The following MTMR14 variants were observed in gnomAD, a reference collection of about 807,000 sequenced individuals.
The protein encoded by MTMR14 is myotubularin related protein 14.
MTMR14 carries 48 observed loss-of-function variants against 86.3 expected under a neutral mutation model. That is an observed-to-expected ratio of 0.56 (90% CI 0.44 to 0.71). The LOEUF (loss-of-function observed/expected upper bound fraction) is 0.71, where lower values mean the gene tolerates loss of function less well. Among genes scored for constraint, MTMR14 ranks in the 30% least tolerant of loss-of-function variants. The pLI is 0.00. For synonymous variants in MTMR14, 366 were observed against 326.1 expected (o/e 1.12, Z -1.32); for missense variants, 780 against 834.6 (o/e 0.93, Z 0.81).
chr3:9,664,683 A>G lies in MTMR14; in HGVS notation c.417+2308A>G, dbSNP rs536029854. On this transcript the variant is annotated intron_variant, in intron 3 of 18. Transcript: ENST00000296003. ...AACTTCACATGTTCTCACTTATTTG[A>G]AAGCTAAAAAAATTAAAACAATTGA... 2.0e-5 allele frequency among the ~76,000 whole-genome samples: 3 copies of G among 152,284 alleles called. No homozygotes were observed. In the East Asian group the frequency reaches 5.8e-4, roughly 29 times the overall value.
At chr3:9,664,837 T>C (rs1433043972) in intron 3 of MTMR14, among the ~76,000 whole-genome samples, 3 of 152,090 alleles carry the variant, frequency 2.0e-5, no homozygotes, top group African/African-American at 7.2e-5. Context: ...GATCTAGTAT[T>C]TGATAGTACA....
At chr3:9,693,501 A>G (rs565216933) in intron 17 of MTMR14, among the ~76,000 whole-genome samples, 1 of 152,356 alleles carries the variant, frequency 6.6e-6, no homozygotes, top group Non-Finnish European at 1.5e-5. Flanking sequence ...CAGTTAACAC[A>G]TGTTTTGTAT....
chr3:9,686,448 C>G (rs886233882), intron 13 of MTMR14, among the ~76,000 whole-genome samples: 1 of 152,182 alleles, frequency 6.6e-6, no homozygotes, highest in African/African-American at 2.4e-5. Context: ...ACAAGAGGCT[C>G]TCCTCAGCTG....
At chr3:9,678,605 C>T (rs774290911) in intron 9 of MTMR14, among the ~76,000 whole-genome samples, 72 of 152,230 alleles carry the variant, frequency 4.7e-4, no homozygotes, top group Non-Finnish European at 9.0e-4. Flanking sequence ...TTTTGTTTTT[C>T]TGCGACCTTT....
intron 5 of MTMR14, 28 bp from the exon 6 acceptor site, chr3:9,671,020 A>C (rs147776161): frequency 1.2e-5 from 20 of 1,613,978 alleles, no homozygotes; most frequent in Middle Eastern, 3.3e-4. Flanking sequence ...CATGCCATGT[A>C]ACTTCTCCCT....
intron 7 of MTMR14, among the ~76,000 whole-genome samples, chr3:9,674,850 G>A (rs911500003): frequency 6.6e-5 from 10 of 152,176 alleles, no homozygotes; most frequent in African/African-American, 1.9e-4. Flanking sequence ...AGTGGCTCAC[G>A]CATATAATCC....
chr3:9,677,251 C>A lies in MTMR14; in HGVS notation c.752-66C>A. On this transcript the variant is annotated intron_variant, in intron 7 of 18. Coordinates refer to ENST00000296003, the MANE Select transcript of MTMR14 (RefSeq NM_001077525.3). This position sits in a 1 kb window ranked among gnomAD's most constrained non-coding sequence, Gnocchi z 4.2. ...ACAGCACTCAGGGACCTGGGTCTGG[C>A]CAGGGCTGTCTCAGAAGACTTTGGG... The A allele has an allele frequency of 1.4e-6, 2 of 1,473,244 alleles. No homozygotes were observed. Among genetic ancestry groups the A allele is most frequent in the Non-Finnish European group, 1.9e-6 (2 of 1,053,400 alleles). The allele number at this position is 1,473,244 out of a possible 1,614,324, so 91.3% of individuals were successfully genotyped here. A position where few individuals can be genotyped will look rare whatever the true frequency, so the allele number is the denominator to read the frequency against.
chr3:9,686,021 C>T (rs1462161147), intron 13 of MTMR14, among the ~76,000 whole-genome samples: 4 of 152,126 alleles, frequency 2.6e-5, no homozygotes, highest in South Asian at 2.1e-4. Context: ...TTCTCTTTGG[C>T]CCCCACTCCC....
At chr3:9,675,111 CAAAACAAAAATA>C (rs1302927919) in intron 7 of MTMR14, among the ~76,000 whole-genome samples, 32 of 152,010 alleles carry the variant, frequency 2.1e-4, no homozygotes. Context: ...AACTCCGTCT[CAAAACAAAAATA>C]AAAACAAAAA....
intron 17 of MTMR14, among the ~76,000 whole-genome samples, chr3:9,694,426 G>T (rs1348489470): frequency 6.6e-6 from 1 of 152,188 alleles, no homozygotes; most frequent in Non-Finnish European, 1.5e-5. Context: ...AGAATCGTTT[G>T]AACCCAGGAA....
In MTMR14 at chr3:9,690,124, C is replaced by T; in HGVS notation, c.1594C>T (p.Leu532=). 6.2e-7 allele frequency: 1 copy of T among 1,613,808 alleles called. No homozygotes were observed. Among genetic ancestry groups the T allele is most frequent in the Non-Finnish European group, 8.5e-7 (1 of 1,180,022 alleles). ...DNFFRMGSSP[L]EVPKPRSVDH... Reference sequence around the variant, plus strand: ...CTTTTTCAGGATGGGTAGCAGTCCCCTGGAGGTCCCCAAACCCAGGTGAGG... The same window carrying T: ...CTTTTTCAGGATGGGTAGCAGTCCCTTGGAGGTCCCCAAACCCAGGTGAGG... The change falls in exon 17 of 19, where the codon CTG becomes TTG. Residue 532 remains leucine (L), a synonymous_variant. Coordinates refer to ENST00000296003, the MANE Select transcript of MTMR14 (RefSeq NM_001077525.3).
intron 18 of MTMR14, 76 bp downstream of exon 18, chr3:9,697,942 T>C: frequency 6.3e-7 from 1 of 1,595,466 alleles, no homozygotes; most frequent in Non-Finnish European, 8.6e-7. Context: ...GAGTGCTGGG[T>C]AGGAATGAGG....
In MTMR14 at chr3:9,653,626, G is replaced by C. The variant is rs1458255145; in HGVS notation, c.165G>C (p.Glu55Asp). 10 of 1,614,094 alleles carry C rather than the reference G, an allele frequency of 6.2e-6. No homozygotes were observed. Among genetic ancestry groups the C allele is most frequent in the Non-Finnish European group, 7.6e-6 (9 of 1,180,036 alleles). The part of the protein sequence containing the change: ...DGSGTGGSKV[E>D]RIEKRCLELF... ...TGGTCTCCTTCTCTGTGCAGGTTGA[G>C]CGCATTGAGAAGAGATGTCTGGAGC... Residue 55 changes from glutamate (E) to aspartate (D), a missense_variant, in exon 2 of 19, where the codon GAG becomes GAC. By Grantham distance (45) the Glu-to-Asp change is conservative (BLOSUM62 2). Transcript: ENST00000296003.
At chr3:9,678,380 C>A (rs1049033752) in intron 9 of MTMR14, among the ~76,000 whole-genome samples, 1 of 152,142 alleles carries the variant, frequency 6.6e-6, no homozygotes, top group African/African-American at 2.4e-5. Flanking sequence ...TACATTTTTC[C>A]TTTTAAATGT....
At chr3:9,699,160 G>A (rs1340752805) in intron 18 of MTMR14, among the ~76,000 whole-genome samples, 98 of 139,568 alleles carry the variant, frequency 7.0e-4, no homozygotes, top group African/African-American at 2.4e-3. Flanking sequence ...CAACAAGAGC[G>A]AAACTCTCTC....
intron 18 of MTMR14, 62 bp downstream of exon 18, chr3:9,697,928 T>G: frequency 6.2e-7 from 1 of 1,606,928 alleles, no homozygotes; most frequent in Non-Finnish European, 8.5e-7. Flanking sequence ...TGGTGAGCAG[T>G]CAGGAGTGCT....
intron 2 of MTMR14, 21 bp downstream of exon 2, chr3:9,653,790 G>A (rs1339038768): frequency 6.2e-7 from 1 of 1,614,114 alleles, no homozygotes; most frequent in Non-Finnish European, 8.5e-7. Context: ...TGTGACCGTA[G>A]TGTACATGTC....
intron 16 of MTMR14, among the ~76,000 whole-genome samples, chr3:9,689,498 C>A (rs1178772535): frequency 6.6e-6 from 1 of 152,148 alleles, no homozygotes; most frequent in Non-Finnish European, 1.5e-5. Context: ...GAAATTGAGA[C>A]CCTGATGACT....
intron 7 of MTMR14, among the ~76,000 whole-genome samples, chr3:9,676,385 C>A (rs1327569926): frequency 6.6e-6 from 1 of 152,260 alleles, no homozygotes; most frequent in Admixed American, 6.5e-5. Context: ...GGGCAAGACG[C>A]ATTCTCTCTG....
Sources: allele counts gnomAD v4.1 joint callset (sites outside exome capture counted in the v4.1 genomes callset), GRCh38; gene constraint gnomAD v4.1.1; non-coding constraint Gnocchi (gnomAD v3.1); transcripts MANE v1.5; gene names NCBI Gene and HGNC (gene_info 2026-07-23, HGNC 2026-07-21).